Variants in UGGT2 observed in about 807,000 individuals in gnomAD.
UGGT2 encodes UDP-glucose:glycoprotein glucosyltransferase 2.
UGGT2 carries 180 observed loss-of-function variants against 192.1 expected under a neutral mutation model. That is an observed-to-expected ratio of 0.94 (90% CI 0.83 to 1.06). The LOEUF is 1.06. Among genes scored for constraint, UGGT2 ranks in the 50% least tolerant of loss-of-function variants. The pLI, the probability that UGGT2 is intolerant of heterozygous loss-of-function variation, is 0.00. For synonymous variants in UGGT2, 580 were observed against 591.0 expected (o/e 0.98, Z 0.27); for missense variants, 1,849 against 1,795.7 (o/e 1.03, Z -0.54).
intron 35 of UGGT2, 56 bp from the exon 36 acceptor site, chr13:95,853,713 A>C: frequency 2.4e-6 from 3 of 1,249,726 alleles, no homozygotes; most frequent in Non-Finnish European, 2.2e-6. Flanking sequence ...TTTTAGTTTT[A>C]CTTTCCTCCA....
intron 5 of UGGT2, among the ~76,000 whole-genome samples, chr13:95,999,524 ACT>A (rs1299771723): frequency 6.6e-6 from 1 of 152,212 alleles, no homozygotes; most frequent in Non-Finnish European, 1.5e-5. Flanking sequence ...TGTCATGACT[ACT>A]GTTTTAATTA....
intron 10 of UGGT2, among the ~76,000 whole-genome samples, chr13:95,976,646 T>G (rs1249673118): frequency 6.6e-6 from 1 of 152,212 alleles, no homozygotes; most frequent in African/African-American, 2.4e-5. Context: ...ATTTATGGAT[T>G]CAATGCTATT....
At chr13:96,022,759 T>C (rs2052552688) in intron 4 of UGGT2, among the ~76,000 whole-genome samples, 1 of 152,014 alleles carries the variant, frequency 6.6e-6, no homozygotes, top group Non-Finnish European at 1.5e-5. Flanking sequence ...TAAAGAGCTA[T>C]AGGCCAAATA....
chr13:95,912,654 A>C (rs9590344), intron 20 of UGGT2, among the ~76,000 whole-genome samples: 128,798 of 152,138 alleles, frequency 0.85, 54,732 homozygotes, highest in East Asian at 0.93. Context: ...TGAAAATGGC[A>C]GCACTGCCCA....
At chr13:95,986,638 C>G (rs569340629) in intron 8 of UGGT2, among the ~76,000 whole-genome samples, 2 of 152,110 alleles carry the variant, frequency 1.3e-5, no homozygotes, top group East Asian at 3.9e-4. Flanking sequence ...TTATGAATGA[C>G]TATTTAATAC....
chr13:95,915,108 A>G (rs1435707705), intron 20 of UGGT2, among the ~76,000 whole-genome samples: 1 of 152,160 alleles, frequency 6.6e-6, no homozygotes, highest in African/African-American at 2.4e-5. Flanking sequence ...GTCTTCTTAC[A>G]TAAAGTATGT....
intron 22 of UGGT2, among the ~76,000 whole-genome samples, chr13:95,899,199 C>A (rs751627673): frequency 1.3e-5 from 2 of 152,158 alleles, no homozygotes; most frequent in Non-Finnish European, 2.9e-5. Context: ...GGCAGCACGT[C>A]AGCCTTACAT....
chr13:95,932,311 TTGTGTGTGTGTGTGTGTGTGTGTGTG>T (rs67135742), intron 17 of UGGT2, among the ~76,000 whole-genome samples: 2 of 139,422 alleles, frequency 1.4e-5, no homozygotes, highest in African/African-American at 5.5e-5. Context: ...GGTATTTTAT[TTGTGTGTGTGTGTGTGTGTGTGTGTG>T]TGTGTGTGTG....
chr13:95,858,954 A>T (rs985548756), intron 33 of UGGT2, among the ~76,000 whole-genome samples: 12 of 152,194 alleles, frequency 7.9e-5, no homozygotes, highest in African/African-American at 2.7e-4. Flanking sequence ...AAACAAACTC[A>T]TTTGAAATGC....
intron 17 of UGGT2, among the ~76,000 whole-genome samples, chr13:95,929,699 C>A (rs1444160676): frequency 6.6e-6 from 1 of 152,212 alleles, no homozygotes; most frequent in African/African-American, 2.4e-5. Context: ...CACTGATGGA[C>A]ACCTAGGCTG....
intron 2 of UGGT2, among the ~76,000 whole-genome samples, chr13:96,027,714 T>C (rs1394893846): frequency 2.0e-5 from 3 of 152,114 alleles, no homozygotes; most frequent in Non-Finnish European, 4.4e-5. Flanking sequence ...TTGTGACAAT[T>C]TGACAAGAAA....
In UGGT2 at chr13:95,854,321, T is replaced by C. The variant is rs956778783; in HGVS notation, c.4163A>G (p.His1388Arg). ...WASHLLRRKY[H>R]ISALYVVDLK... ...AGGGTCTGACTTTTCTTACCTGATA[T>C]GGTATTTCCGTCTTAAAAGATGTGA... is the stretch of plus-strand genomic sequence containing the variant. The change falls in exon 35 of 39, where the codon CAT becomes CGT. Residue 1388 changes from histidine to arginine, a missense_variant. Coordinates refer to ENST00000376747, the MANE Select transcript of UGGT2 (RefSeq NM_020121.4). 1.2e-5 allele frequency: 19 copies of C among 1,611,648 alleles called. No individual in the cohort carries two copies. In the African/African-American group the frequency reaches 1.2e-4, roughly 10 times the overall value.
chr13:95,839,311 T>A (rs1369433684), intron 36 of UGGT2, among the ~76,000 whole-genome samples: 7 of 152,152 alleles, frequency 4.6e-5, no homozygotes, highest in Admixed American at 2.6e-4. Flanking sequence ...TATCCTTCCC[T>A]AACCTCCATG....
chr13:95,994,391 T>A (rs2051552901), intron 7 of UGGT2, among the ~76,000 whole-genome samples: 1 of 151,846 alleles, frequency 6.6e-6, no homozygotes, highest in African/African-American at 2.4e-5. Flanking sequence ...TAGTAAATAT[T>A]AGCTAACATT....
intron 17 of UGGT2, among the ~76,000 whole-genome samples, chr13:95,930,939 A>C (rs1245477034): frequency 1.3e-5 from 2 of 152,156 alleles, no homozygotes. Flanking sequence ...TGAGCAGCAG[A>C]AAGATTTACT....
At chr13:95,868,575 G>A (rs1255043753) in intron 29 of UGGT2, among the ~76,000 whole-genome samples, 5 of 152,016 alleles carry the variant, frequency 3.3e-5, no homozygotes, top group East Asian at 1.9e-4. Context: ...TTGCACTTCC[G>A]TCTGGGCAAG....
chr13:95,932,614 T>G (rs2049326998), intron 17 of UGGT2, among the ~76,000 whole-genome samples: 1 of 152,170 alleles, frequency 6.6e-6, no homozygotes, highest in Admixed American at 6.5e-5. Flanking sequence ...GCTCTAAGAC[T>G]TCCAGTACTA....
intron 2 of UGGT2, among the ~76,000 whole-genome samples, chr13:96,031,654 A>G (rs1361285490): frequency 6.6e-6 from 1 of 152,172 alleles, no homozygotes; most frequent in Non-Finnish European, 1.5e-5. Flanking sequence ...TGAGAATGCA[A>G]TATCCAAACA....
chr13:96,007,270 C>A lies in UGGT2; in HGVS notation c.660+6037G>T, dbSNP rs757541340. Among the ~76,000 whole-genome samples the A allele has an allele frequency of 7.9e-5, 12 of 152,172 alleles. No homozygotes were observed. The East Asian group carries it at 1.2e-3, about 15-fold the overall frequency. On this transcript the variant is annotated intron_variant, in intron 5 of 38. Transcript: ENST00000376747. Reference sequence around the variant, plus strand: ...TCTCTTTCTGACAAGTCCCTCCCCCCCAACAAACTAGGTATAGAGGGAACA... The same window carrying A: ...TCTCTTTCTGACAAGTCCCTCCCCCACAACAAACTAGGTATAGAGGGAACA...
Sources: allele counts gnomAD v4.1 joint callset (sites outside exome capture counted in the v4.1 genomes callset), GRCh38; gene constraint gnomAD v4.1.1; transcripts MANE v1.5; gene names NCBI Gene and HGNC (gene_info 2026-07-23, HGNC 2026-07-21).